ATP2A1: variants seen among roughly 807,000 people sequenced by gnomAD.
The protein encoded by ATP2A1 is sarcoplasmic/endoplasmic reticulum calcium ATPase 1.
A neutral mutation model predicts 109.5 loss-of-function variants in ATP2A1; 83 were observed. The ratio of observed to expected loss-of-function variants is 0.76; its 90% CI spans 0.63 to 0.91. The LOEUF is 0.91. Among genes scored for constraint, ATP2A1 ranks in the 40% least tolerant of loss-of-function variants. ATP2A1 has a pLI of 0.00. For missense variants in ATP2A1, 1,101 were observed against 1,341.0 expected, an observed-to-expected ratio of 0.82 and a Z score of 2.80; for synonymous variants, 505 against 537.6, an observed-to-expected ratio of 0.94 and a Z score of 0.84.
At chr16:28,889,026 G>C in intron 9 of ATP2A1, 73 bp downstream of exon 9, 1 of 1,584,072 alleles carries the variant, frequency 6.3e-7, no homozygotes, top group Non-Finnish European at 8.6e-7. Context: ...TCCAAAGATA[G>C]AGGTCTCCCT....
intron 14 of ATP2A1, among the ~76,000 whole-genome samples, chr16:28,899,643 G>C (rs1393315489): frequency 5.4e-3 from 41 of 7,588 alleles, no homozygotes; most frequent in Admixed American, 0.01. Context: ...CATCCCCTGC[G>C]CCCGCCCCCC....
intron 4 of ATP2A1, among the ~76,000 whole-genome samples, chr16:28,881,958 G>T (rs1039200783): frequency 2.0e-5 from 3 of 151,870 alleles, no homozygotes; most frequent in Non-Finnish European, 2.9e-5. Context: ...TTCTTTTTGA[G>T]ACAGGGTCTC....
At position 28,904,234 on chromosome 16, in the gene ATP2A1, C is replaced by T. The variant is rs777606659; in HGVS notation, c.*92C>T. On this transcript the variant is annotated 3_prime_UTR_variant, in exon 23 of 23. Coordinates refer to ENST00000395503, the MANE Select transcript of ATP2A1 (RefSeq NM_004320.6). The stretch of plus-strand genomic sequence containing the variant: ...TCCTTTTGCTCTGTCCTCCCCACCC[C>T]GATAGTGACACATCTTCAGGCAGAG... 1.1e-5 allele frequency: 17 copies of T among 1,613,610 alleles called. No homozygotes were observed. The highest frequency in any genetic ancestry group is 3.3e-5 in the Admixed American group (2 of 59,968).
intron 9 of ATP2A1, among the ~76,000 whole-genome samples, chr16:28,893,519 G>A (rs2152208615): frequency 6.6e-6 from 1 of 152,264 alleles, no homozygotes; most frequent in East Asian, 1.9e-4. Context: ...AGCTGTAGAT[G>A]GTCCAGGTGC....
intron 14 of ATP2A1, among the ~76,000 whole-genome samples, chr16:28,900,006 C>T (rs1257928989): frequency 6.7e-6 from 1 of 149,360 alleles, no homozygotes; most frequent in Non-Finnish European, 1.5e-5. Context: ...AGGAAAGACA[C>T]GATTTGGGCT....
chr16:28,887,845 G>A, intron 8 of ATP2A1, 123 bp downstream of exon 8: 1 of 1,299,204 alleles, frequency 7.7e-7, no homozygotes, highest in Non-Finnish European at 1.1e-6. Context: ...CTGTCACCCA[G>A]GCTGGAGTGC....
At chr16:28,878,957 T>G (rs756827911) in intron 1 of ATP2A1, 142 bp from the exon 2 acceptor site, 50 of 1,363,710 alleles carry the variant, frequency 3.7e-5, no homozygotes, top group Non-Finnish European at 4.4e-5. Context: ...AGTCCCGAGA[T>G]CCAGAGTTTT....
At chr16:28,900,457 C>T (rs1964039391) in intron 14 of ATP2A1, 124 bp from the exon 15 acceptor site, 3 of 944,404 alleles carry the variant, frequency 3.2e-6, no homozygotes, top group Middle Eastern at 3.4e-4. Context: ...GCCCAGGGTT[C>T]AGGCTTCCCA....
chr16:28,897,977 T>A, intron 12 of ATP2A1, 23 bp from the exon 13 acceptor site: 2 of 1,613,946 alleles, frequency 1.2e-6, no homozygotes, highest in Non-Finnish European at 1.7e-6. Flanking sequence ...AGGACTGGTC[T>A]CCCCTCCCTG....
At chr16:28,900,521 C>T in intron 14 of ATP2A1, 60 bp from the exon 15 acceptor site, 1 of 1,278,288 alleles carries the variant, frequency 7.8e-7, no homozygotes, top group Non-Finnish European at 1.0e-6. Context: ...CCACCAGCTT[C>T]CTCCAGGGGA....
At chr16:28,889,546 C>T (rs946949075) in intron 9 of ATP2A1, among the ~76,000 whole-genome samples, 10 of 152,162 alleles carry the variant, frequency 6.6e-5, no homozygotes, top group African/African-American at 1.2e-4. Flanking sequence ...GTGTGAGCCA[C>T]GGCACCCAGC....
Position 28,887,474 on chromosome 16 carries a change from G to A in ATP2A1, c.680G>A (p.Gly227Asp). ...GKALGIVATT[G>D]VGTEIGKIRD... Reference sequence around the variant, plus strand: ...GCCTTGGGCATCGTGGCCACCACTGGTGTGGGCACCGAGATTGGGAAGATC... The same window carrying A: ...GCCTTGGGCATCGTGGCCACCACTGATGTGGGCACCGAGATTGGGAAGATC... Residue 227 changes from glycine to aspartate, a missense_variant, in exon 8 of 23, where the codon GGT (glycine) becomes GAT (aspartate). Coordinates refer to ENST00000395503, the MANE Select transcript of ATP2A1 (RefSeq NM_004320.6). 1 of 1,614,046 alleles carries A rather than the reference G, an allele frequency of 6.2e-7. No individual in the cohort carries two copies. Among genetic ancestry groups the A allele is most frequent in the Non-Finnish European group, 8.5e-7 (1 of 1,180,006 alleles).
At chr16:28,884,952 C>T (rs1963578897) in intron 6 of ATP2A1, among the ~76,000 whole-genome samples, 1 of 152,026 alleles carries the variant, frequency 6.6e-6, no homozygotes, top group African/African-American at 2.4e-5. Flanking sequence ...AAAATAAAAA[C>T]AAAAGGCTGT....
chr16:28,882,287 T>G (rs1388558750), intron 4 of ATP2A1, among the ~76,000 whole-genome samples, 164 bp from the exon 5 acceptor site: 1 of 151,876 alleles, frequency 6.6e-6, no homozygotes, highest in Non-Finnish European at 1.5e-5. Context: ...CTTTGTTCCC[T>G]CCCCAAAACC....
chr16:28,902,468 C>G lies in ATP2A1; in HGVS notation c.2524+82C>G. 2 of 1,568,824 alleles carry G rather than the reference C, an allele frequency of 1.3e-6. No individual in the cohort carries two copies. The highest frequency in any genetic ancestry group is 2.3e-5 in the East Asian group (1 of 44,352). On this transcript the variant is annotated intron_variant, in intron 17 of 22. Transcript: ENST00000395503. This position sits in a 1 kb window ranked among gnomAD's most constrained non-coding sequence, Gnocchi z 4.8. Reference sequence around the variant, plus strand: ...GGACACCAGCTCCCCCATGCAGGTGCTGAGAGGGTCTTCTTCCTTGGCCAG... The same window carrying G: ...GGACACCAGCTCCCCCATGCAGGTGGTGAGAGGGTCTTCTTCCTTGGCCAG...
intron 9 of ATP2A1, among the ~76,000 whole-genome samples, chr16:28,893,646 T>G (rs559257536): frequency 1.0e-3 from 109 of 108,596 alleles, no homozygotes; most frequent in East Asian, 7.2e-3. Flanking sequence ...CGTTTGTGGG[T>G]TTTTTTTTGT....
chr16:28,900,765 A>T lies in ATP2A1; in HGVS notation c.1949A>T (p.Asp650Val), dbSNP rs1964050297. The T allele has an allele frequency of 6.2e-7, 1 of 1,614,044 alleles. No individual in the cohort carries two copies. The highest frequency in any genetic ancestry group is 8.5e-7 in the Non-Finnish European group (1 of 1,180,028). The part of the protein sequence containing the change: ...GIFGENEEVA[D>V]RAYTGREFDD... ...TTTGGGGAGAACGAGGAGGTGGCCG[A>T]TCGCGCCTACACGGGCCGAGAGTTC... Residue 650 changes from aspartate to valine, a missense_variant, in exon 15 of 23, where the codon GAT becomes GTT. Physicochemically the swap from Asp to Val is radical, Grantham distance 152. Coordinates refer to ENST00000395503, the MANE Select transcript of ATP2A1 (RefSeq NM_004320.6).
At chr16:28,886,248 G>T (rs776491126) in intron 6 of ATP2A1, among the ~76,000 whole-genome samples, 19 of 152,100 alleles carry the variant, frequency 1.2e-4, no homozygotes, top group Non-Finnish European at 1.0e-4. Context: ...GAGGTGGGAG[G>T]ATCACTTGAA....
In ATP2A1 at chr16:28,903,409, C is replaced by T; in HGVS notation, c.2949C>T (p.Ile983=). 4 of 1,613,966 alleles carry T rather than the reference C, an allele frequency of 2.5e-6. No homozygotes were observed. The highest frequency in any genetic ancestry group is 3.4e-6 in the Non-Finnish European group (4 of 1,179,918). The part of the protein sequence containing the change: ...ISLPVIGLDE[I]LKFVARNYLE... ...TGCCAGTCATTGGGCTCGACGAAAT[C>T]CTCAAGTTCGTTGCTCGGAACTACC... The change falls in exon 21 of 23, where the codon ATC becomes ATT. Residue 983 remains isoleucine, a synonymous_variant. Transcript: ENST00000395503. The surrounding 1 kb of genome is among the most constrained non-coding windows in gnomAD (Gnocchi z 5.6).
Sources: gnomAD v4.1 joint callset for allele counts (sites outside exome capture counted in the v4.1 genomes callset) on GRCh38, gnomAD v4.1.1 for gene constraint, Gnocchi (gnomAD v3.1) non-coding constraint, MANE v1.5 for transcripts, NCBI Gene and HGNC (gene_info 2026-07-23, HGNC 2026-07-21) for gene names.